Variants in SLIT1 observed in about 807,000 individuals in gnomAD.
SLIT1 encodes slit homolog 1 protein.
Under a neutral mutation model 186.1 loss-of-function variants are expected in SLIT1, and 66 were observed. The observed-to-expected ratio is 0.35, with a 90% CI of 0.29 to 0.44. The LOEUF (loss-of-function observed/expected upper bound fraction) is 0.44. Ranked by LOEUF, SLIT1 falls within the 20% of genes least tolerant of loss-of-function variation. The pLI, the probability that SLIT1 is intolerant of heterozygous loss-of-function variation, is 1.00. For missense variants in SLIT1, 1,638 were observed against 2,037.4 expected (o/e 0.80, Z 3.77); for synonymous variants, 761 against 833.8 (o/e 0.91, Z 1.50).
intron 28 of SLIT1, among the ~76,000 whole-genome samples, chr10:97,014,591 G>A (rs1848438876): frequency 6.6e-6 from 1 of 152,214 alleles, no homozygotes; most frequent in Non-Finnish European, 1.5e-5. Context: ...GAGTGGCCAG[G>A]TGCGGTGGCT....
At chr10:97,152,284 G>C (rs1849889851) in intron 4 of SLIT1, among the ~76,000 whole-genome samples, 1 of 152,202 alleles carries the variant, frequency 6.6e-6, no homozygotes, top group African/African-American at 2.4e-5. Context: ...CCTGTTGGGG[G>C]AAGGTCCCTG....
chr10:97,113,558 T>C (rs1390615536), intron 4 of SLIT1, among the ~76,000 whole-genome samples: 1 of 114,482 alleles, frequency 8.7e-6, no homozygotes, highest in Non-Finnish European at 1.8e-5. Flanking sequence ...TTCTTTTAGG[T>C]TTTTTTTTTT....
chr10:97,037,048 T>TTGTGTGTGTGTGTG (rs59578209), intron 22 of SLIT1, among the ~76,000 whole-genome samples: 5 of 116,882 alleles, frequency 4.3e-5, no homozygotes, highest in East Asian at 5.3e-4. Context: ...ATAACCCCCT[T>TTGTGTGTGTGTGTG]TGTGTGTGTG....
rs146896175 is a variant in SLIT1 at position 97,119,683 on chromosome 10, C to T, written c.413+38135G>A. On this transcript the variant is annotated intron_variant, in intron 4 of 36. Coordinates refer to ENST00000266058, the MANE Select transcript of SLIT1 (RefSeq NM_003061.3). Reference sequence around the variant, plus strand: ...ACCCCCAGAGACAGGCAGGAGGTGGCTCAGCAGCGGTGGGGAGGGTCCCGG... The same window carrying T: ...ACCCCCAGAGACAGGCAGGAGGTGGTTCAGCAGCGGTGGGGAGGGTCCCGG... 2.3e-3 allele frequency among the ~76,000 whole-genome samples: 349 copies of T among 150,916 alleles called. 2 individuals carry two copies. The highest frequency in any genetic ancestry group is 5.7e-3 in the African/African-American group (236 of 41,062).
At chr10:97,011,365 G>A (rs566587457) in intron 30 of SLIT1, among the ~76,000 whole-genome samples, 2 of 152,140 alleles carry the variant, frequency 1.3e-5, no homozygotes, top group Non-Finnish European at 2.9e-5. Context: ...TGAGGTAGGG[G>A]CCTGGGGCTG....
At chr10:97,047,641 T>C (rs766524701) in intron 16 of SLIT1, 49 bp downstream of exon 16, 1 of 1,569,198 alleles carries the variant, frequency 6.4e-7, no homozygotes. Flanking sequence ...CAAGGAGGGT[T>C]AGTGGCAGTT....
chr10:97,139,190 C>T (rs1849733789), intron 4 of SLIT1, among the ~76,000 whole-genome samples: 1 of 152,182 alleles, frequency 6.6e-6, no homozygotes, highest in Non-Finnish European at 1.5e-5. Context: ...GGGGCCATCT[C>T]GAGAATTCAG....
intron 4 of SLIT1, among the ~76,000 whole-genome samples, chr10:97,151,410 A>C (rs1589412553): frequency 7.2e-6 from 1 of 139,206 alleles, no homozygotes; most frequent in African/African-American, 2.8e-5. Context: ...GCAGGTGGTG[A>C]GTGGGTGGGG....
chr10:97,091,170 T>C (rs898686502), intron 4 of SLIT1, among the ~76,000 whole-genome samples: 2 of 152,252 alleles, frequency 1.3e-5, no homozygotes, highest in Non-Finnish European at 2.9e-5. Flanking sequence ...ACAGATTTGA[T>C]TTTTTCCATT....
chr10:97,047,939 G>C (rs368075112), intron 15 of SLIT1, 34 bp downstream of exon 15: 1 of 1,613,642 alleles, frequency 6.2e-7, no homozygotes, highest in South Asian at 1.1e-5. Flanking sequence ...CACCATTCCC[G>C]CCAGGCTGGC....
chr10:97,029,209 C>T (rs1042936037), intron 25 of SLIT1, among the ~76,000 whole-genome samples: 1 of 152,176 alleles, frequency 6.6e-6, no homozygotes, highest in African/African-American at 2.4e-5. Flanking sequence ...TTTGATGCAC[C>T]GCTGATTTAA....
chr10:97,181,523 G>A (rs1163911622), intron 1 of SLIT1, among the ~76,000 whole-genome samples: 2 of 152,240 alleles, frequency 1.3e-5, no homozygotes, highest in East Asian at 3.9e-4. Context: ...CAGGGTGGAC[G>A]AACTGGCAAG....
chr10:97,159,196 C>A (rs1411339401), intron 3 of SLIT1, among the ~76,000 whole-genome samples: 4 of 152,160 alleles, frequency 2.6e-5, no homozygotes, highest in Admixed American at 6.5e-5. Context: ...ATGTAGCCAG[C>A]AGTAATTGGT....
chr10:97,153,499 G>A (rs1430148959), intron 4 of SLIT1: 1 of 152,238 alleles, frequency 6.6e-6, no homozygotes, highest in East Asian at 1.9e-4. Context: ...ACAAAGCAAA[G>A]GGGAGGTCAA....
intron 30 of SLIT1, 152 bp downstream of exon 30, chr10:97,013,589 A>G (rs897796216): frequency 1.6e-6 from 1 of 643,794 alleles, no homozygotes; most frequent in Non-Finnish European, 2.8e-6. Flanking sequence ...TCCACCCACA[A>G]CCCCGCATGG....
At chr10:97,112,575 C>T (rs1178468748) in intron 4 of SLIT1, among the ~76,000 whole-genome samples, 2 of 152,234 alleles carry the variant, frequency 1.3e-5, no homozygotes, top group African/African-American at 4.8e-5. Flanking sequence ...TGAGGTACTA[C>T]CATCCCCATT....
In SLIT1 at chr10:96,998,139, T is replaced by A. The variant is rs1365153654; in HGVS notation, c.*2973A>T. ...CAGGTGCAGCTCCCTCATGGGCCTG[T>A]TCTAAACCAGCCTCTAGGAGTTGAT... On this transcript the variant is annotated 3_prime_UTR_variant, in exon 37 of 37. Coordinates refer to ENST00000266058, the MANE Select transcript of SLIT1 (RefSeq NM_003061.3). The A allele has an allele frequency of 1.3e-5, 2 of 152,352 alleles. No homozygotes were observed. The highest frequency in any genetic ancestry group is 4.8e-5 in the African/African-American group (2 of 41,566). 9.4% of individuals were successfully genotyped at this position (152,352 alleles called of 1,614,324 possible).
intron 30 of SLIT1, among the ~76,000 whole-genome samples, chr10:97,011,395 C>T (rs1290537839): frequency 1.3e-5 from 2 of 152,074 alleles, no homozygotes; most frequent in Non-Finnish European, 2.9e-5. Context: ...ACCCCAGTAG[C>T]AGGGGCAGAT....
At chr10:97,144,411 T>A (rs1849796086) in intron 4 of SLIT1, among the ~76,000 whole-genome samples, 1 of 152,164 alleles carries the variant, frequency 6.6e-6, no homozygotes, top group African/African-American at 2.4e-5. Context: ...GGAAATGCAT[T>A]CAGAGAAAGA....
Sources: gnomAD v4.1 joint callset for allele counts (sites outside exome capture counted in the v4.1 genomes callset) on GRCh38, gnomAD v4.1.1 for gene constraint, MANE v1.5 for transcripts, NCBI Gene and HGNC (gene_info 2026-07-23, HGNC 2026-07-21) for gene names.